The following NOL4 variants were observed in gnomAD, a reference collection of about 807,000 sequenced individuals.
The protein encoded by NOL4 is cancer/testis antigen 125.
In NOL4, 17 loss-of-function variants were observed where a neutral mutation model predicts 75.9. That is an observed-to-expected ratio of 0.22 (90% CI 0.15 to 0.34). The LOEUF (loss-of-function observed/expected upper bound fraction) is 0.34, where lower values mean the gene tolerates loss of function less well. NOL4 is among the 10% of genes least tolerant of loss of function. The pLI, the probability that NOL4 is intolerant of heterozygous loss-of-function variation, is 1.00. For synonymous variants in NOL4, 292 were observed against 289.9 expected (o/e 1.01, Z -0.07); for missense variants, 614 against 793.5 (o/e 0.77, Z 2.72).
rs750421663 is a variant in NOL4, at chr18:33,867,334, CTTGAG to C, written c.1724-14304_1724-14300del. Among the ~76,000 whole-genome samples, 5 of 152,074 alleles carry C rather than the reference CTTGAG, an allele frequency of 3.3e-5. No homozygotes were observed. In the Middle Eastern group the frequency reaches 0.014, roughly 417 times the overall value. On this transcript the variant is annotated intron_variant, in intron 10 of 10. Coordinates refer to ENST00000261592, the MANE Select transcript of NOL4 (RefSeq NM_003787.5). ...CTCATTAGTAAATTTTTACTATTTT[CTTGAG>C]TTATCAGTGCTCTAACAAAGCTAGA...
At chr18:34,102,540 G>C (rs1163644632) in intron 4 of NOL4, among the ~76,000 whole-genome samples, 1 of 151,914 alleles carries the variant, frequency 6.6e-6, no homozygotes, top group East Asian at 1.9e-4. Context: ...AAAATGTAAG[G>C]ATAAGAGTTA....
chr18:34,083,899 T>G (rs892672497), intron 5 of NOL4, among the ~76,000 whole-genome samples: 2 of 152,190 alleles, frequency 1.3e-5, no homozygotes, highest in African/African-American at 4.8e-5. Flanking sequence ...TGGTTTTCTT[T>G]TAGCAGTCAG....
intron 5 of NOL4, among the ~76,000 whole-genome samples, chr18:34,026,529 A>G (rs2075352208): frequency 6.6e-6 from 1 of 152,100 alleles, no homozygotes; most frequent in Non-Finnish European, 1.5e-5. Context: ...TTAGCTCTTC[A>G]AACACCACTG....
intron 1 of NOL4, among the ~76,000 whole-genome samples, chr18:34,192,253 T>C (rs1365589805): frequency 6.6e-6 from 1 of 152,200 alleles, no homozygotes; most frequent in Non-Finnish European, 1.5e-5. Flanking sequence ...CCTATGTTCA[T>C]GATTTGAGAG....
chr18:34,036,205 G>A (rs886948195), intron 5 of NOL4, among the ~76,000 whole-genome samples: 2 of 152,004 alleles, frequency 1.3e-5, no homozygotes, highest in Non-Finnish European at 2.9e-5. Context: ...ATGATGAACA[G>A]AGATACAAAA....
At chr18:33,994,118 C>T (rs966951581) in intron 6 of NOL4, among the ~76,000 whole-genome samples, 2 of 151,456 alleles carry the variant, frequency 1.3e-5, no homozygotes, top group African/African-American at 4.8e-5. Context: ...ACTATATGAA[C>T]CTAATAATAC....
chr18:34,148,409 T>C (rs1222854837), intron 1 of NOL4, among the ~76,000 whole-genome samples: 1 of 152,064 alleles, frequency 6.6e-6, no homozygotes. Context: ...TTCTGGGACA[T>C]TGTGTTTCTG....
chr18:34,065,369 T>A (rs1279157511), intron 5 of NOL4, among the ~76,000 whole-genome samples: 1 of 151,932 alleles, frequency 6.6e-6, no homozygotes, highest in Non-Finnish European at 1.5e-5. Context: ...CATAAACTGG[T>A]TTCCATTACC....
intron 2 of NOL4, among the ~76,000 whole-genome samples, chr18:34,127,943 G>A (rs2080459024): frequency 6.6e-6 from 1 of 151,860 alleles, no homozygotes; most frequent in Non-Finnish European, 1.5e-5. Context: ...ATTCTCAAGA[G>A]GGATTAGATA....
At position 34,042,778 on chromosome 18, in the gene NOL4, A is replaced by T. The variant is rs543431593; in HGVS notation, c.773-23177T>A. 9.4e-3 allele frequency among the ~76,000 whole-genome samples: 1,434 copies of T among 152,196 alleles called. 10 individuals are homozygous for T. The highest frequency in any genetic ancestry group is 0.018 in the South Asian group (87 of 4,832). ...TCATGTGCTAAAGCCTTCCCAGACGATCACTACCAACTTGTCCTCACATTC... is the reference window on the plus strand; with the variant it reads ...TCATGTGCTAAAGCCTTCCCAGACGTTCACTACCAACTTGTCCTCACATTC... On this transcript the variant is annotated intron_variant, in intron 5 of 10. Transcript: ENST00000261592.
At chr18:34,099,488 C>G (rs1169754871) in intron 4 of NOL4, among the ~76,000 whole-genome samples, 4 of 152,020 alleles carry the variant, frequency 2.6e-5, no homozygotes, top group African/African-American at 9.7e-5. Flanking sequence ...CTTTCTTCAA[C>G]CATTTTGCTC....
At chr18:34,090,652 A>AG (rs2078467330) in intron 5 of NOL4, among the ~76,000 whole-genome samples, 1 of 152,050 alleles carries the variant, frequency 6.6e-6, no homozygotes, top group Non-Finnish European at 1.5e-5. Flanking sequence ...AAATGGCACC[A>AG]GAAAAAAAAA....
At chr18:33,972,922 T>C (rs919806135) in intron 6 of NOL4, among the ~76,000 whole-genome samples, 4 of 152,220 alleles carry the variant, frequency 2.6e-5, no homozygotes, top group African/African-American at 9.6e-5. Flanking sequence ...CCGATCAGCA[T>C]GGTGATTGCT....
chr18:34,198,071 T>C (rs2035464235), intron 1 of NOL4, among the ~76,000 whole-genome samples: 1 of 151,864 alleles, frequency 6.6e-6, no homozygotes, highest in Non-Finnish European at 1.5e-5. Flanking sequence ...CATGTCACAG[T>C]GAAACTGTTG....
chr18:33,908,913 T>A (rs1214481950), intron 9 of NOL4, among the ~76,000 whole-genome samples: 1 of 152,152 alleles, frequency 6.6e-6, no homozygotes, highest in African/African-American at 2.4e-5. Context: ...ACTGCTTACA[T>A]TACTTTCAGT....
At chr18:33,962,923 C>T (rs1001156106) in intron 6 of NOL4, among the ~76,000 whole-genome samples, 3 of 152,156 alleles carry the variant, frequency 2.0e-5, no homozygotes, top group African/African-American at 7.2e-5. Flanking sequence ...TGCAATCTTG[C>T]AGATCTGAAA....
At chr18:33,945,050 TAAAAC>T (rs1054469683) in intron 8 of NOL4, among the ~76,000 whole-genome samples, 4 of 151,860 alleles carry the variant, frequency 2.6e-5, no homozygotes, top group African/African-American at 9.7e-5. Context: ...TATCAAAAAA[TAAAAC>T]AAATTATTTG....
In NOL4 at chr18:34,019,816, T is replaced by C. The variant is rs574410085; in HGVS notation, c.773-215A>G. Among the ~76,000 whole-genome samples, 18 of 151,418 alleles carry C rather than the reference T, an allele frequency of 1.2e-4. No individual in the cohort carries two copies. In the South Asian group the frequency reaches 3.8e-3, roughly 32 times the overall value. Reference sequence around the variant, plus strand: ...TGTTTTGTCCTCACTAAATCTCACATTAAAATGTGACCTCCAATGTCCATA... The same window carrying C: ...TGTTTTGTCCTCACTAAATCTCACACTAAAATGTGACCTCCAATGTCCATA... On this transcript the variant is annotated intron_variant, in intron 5 of 10. Transcript: ENST00000261592.
chr18:34,126,089 C>G (rs769570336), intron 2 of NOL4, among the ~76,000 whole-genome samples: 9 of 152,060 alleles, frequency 5.9e-5, no homozygotes, highest in Non-Finnish European at 1.2e-4. Context: ...TAGAGCTATG[C>G]TAATTTTGCT....
Sources: gnomAD v4.1 joint callset for allele counts (sites outside exome capture counted in the v4.1 genomes callset) on GRCh38, gnomAD v4.1.1 for gene constraint, MANE v1.5 for transcripts, NCBI Gene and HGNC (gene_info 2026-07-23, HGNC 2026-07-21) for gene names.